TDRD9: variants seen among roughly 807,000 people sequenced by gnomAD.
The protein encoded by TDRD9 is tudor domain containing 9, also known as ATP-dependent RNA helicase TDRD9.
Under a neutral mutation model 172.6 loss-of-function variants are expected in TDRD9, and 124 were observed. The observed-to-expected ratio is 0.72, with a 90% CI of 0.62 to 0.83. The LOEUF is 0.83. Ranked by LOEUF, TDRD9 falls within the 40% of genes least tolerant of loss-of-function variation. The pLI is 0.00. For missense variants in TDRD9, 1,479 were observed against 1,714.1 expected (o/e 0.86, Z 2.42); for synonymous variants, 619 against 617.1 (o/e 1.00, Z -0.05).
intron 32 of TDRD9, among the ~76,000 whole-genome samples, chr14:104,039,725 AAAC>A (rs1228930200): frequency 1.3e-5 from 2 of 152,178 alleles, no homozygotes; most frequent in African/African-American, 4.8e-5. Context: ...CTGGGATACA[AAAC>A]TTTGTAAGTG....
chr14:103,947,996 A>G (rs2031660183), intron 1 of TDRD9, among the ~76,000 whole-genome samples: 1 of 152,176 alleles, frequency 6.6e-6, no homozygotes, highest in African/African-American at 2.4e-5. Flanking sequence ...ATTTCCCAAA[A>G]TGCAACAAGA....
At chr14:103,961,052 G>A (rs1452367865) in intron 2 of TDRD9, among the ~76,000 whole-genome samples, 1 of 152,098 alleles carries the variant, frequency 6.6e-6, no homozygotes, top group Non-Finnish European at 1.5e-5. Context: ...TGCATGCTGT[G>A]TCTGGGCTCA....
At chr14:103,935,605 T>C (rs1290342058) in intron 1 of TDRD9, among the ~76,000 whole-genome samples, 3 of 152,056 alleles carry the variant, frequency 2.0e-5, no homozygotes, top group Admixed American at 6.5e-5. Context: ...CACTGGGAAG[T>C]TTAACTTCGA....
At chr14:104,022,571 A>G (rs2034991046) in intron 24 of TDRD9, among the ~76,000 whole-genome samples, 2 of 152,064 alleles carry the variant, frequency 1.3e-5, no homozygotes, top group South Asian at 4.1e-4. Flanking sequence ...TACTGACAAT[A>G]CAAAAATTAG....
intron 1 of TDRD9, among the ~76,000 whole-genome samples, chr14:103,930,780 G>A (rs2030336299): frequency 6.6e-6 from 1 of 152,018 alleles, no homozygotes; most frequent in African/African-American, 2.4e-5. Flanking sequence ...TAGTTTTAAC[G>A]GTGTGAACAG....
intron 34 of TDRD9, among the ~76,000 whole-genome samples, chr14:104,045,332 C>T (rs2035738638): frequency 6.6e-6 from 1 of 150,712 alleles, no homozygotes; most frequent in Non-Finnish European, 1.5e-5. Flanking sequence ...ATTTTCGTTT[C>T]CTTAATGACT....
At chr14:104,031,325 A>T in intron 29 of TDRD9, 62 bp downstream of exon 29, 1 of 1,434,552 alleles carries the variant, frequency 7.0e-7, no homozygotes, top group Non-Finnish European at 9.4e-7. Context: ...TTTATGTGCT[A>T]GGAGTTGTAG....
In TDRD9 at chr14:104,034,955, A is replaced by C; in HGVS notation, c.3620-5A>C. On this transcript the variant is annotated splice_polypyrimidine_tract_variant and splice_region_variant and intron_variant, in intron 31 of 35. Coordinates refer to ENST00000409874, the MANE Select transcript of TDRD9 (RefSeq NM_153046.3). ...CCCGATGTTGATTTAGCATGACTTG[A>C]ACAGGATCTACGATGCTGCTGAGAG... 2 of 1,550,794 alleles carry C rather than the reference A, an allele frequency of 1.3e-6. No individual in the cohort carries two copies. Among genetic ancestry groups the C allele is most frequent in the Non-Finnish European group, 1.7e-6 (2 of 1,146,298 alleles).
intron 1 of TDRD9, 79 bp from the exon 2 acceptor site, chr14:103,955,585 A>T: frequency 1.0e-6 from 1 of 983,846 alleles, no homozygotes. Flanking sequence ...CCTGTGACTT[A>T]ATGTGAAAAA....
intron 26 of TDRD9, 135 bp from the exon 27 acceptor site, chr14:104,025,912 A>G: frequency 1.0e-6 from 1 of 979,446 alleles, no homozygotes; most frequent in South Asian, 1.5e-5. Flanking sequence ...TCCCTCATTG[A>G]TATGTGGATT....
intron 5 of TDRD9, among the ~76,000 whole-genome samples, chr14:103,967,770 A>G (rs1474102560): frequency 6.6e-6 from 1 of 152,116 alleles, no homozygotes; most frequent in East Asian, 1.9e-4. Context: ...GATATATAAT[A>G]CGGTTCAGAA....
intron 15 of TDRD9, 103 bp downstream of exon 15, chr14:104,005,508 G>C: frequency 7.8e-7 from 1 of 1,281,698 alleles, no homozygotes; most frequent in Non-Finnish European, 1.1e-6. Context: ...TGATCCTCCC[G>C]CCTCACTTTC....
chr14:104,046,298 T>C (rs915518618), intron 34 of TDRD9, among the ~76,000 whole-genome samples: 2 of 152,204 alleles, frequency 1.3e-5, no homozygotes, highest in African/African-American at 2.4e-5. Flanking sequence ...CGGTGCTATA[T>C]CTTAAAAAAT....
chr14:104,014,901 G>A, intron 21 of TDRD9, 60 bp downstream of exon 21: 1 of 1,038,712 alleles, frequency 9.6e-7, no homozygotes, highest in South Asian at 1.4e-5. Context: ...AAGGTCTTGT[G>A]GTCGAGAAAC....
intron 32 of TDRD9, among the ~76,000 whole-genome samples, chr14:104,037,145 G>A (rs2035473899): frequency 6.6e-6 from 1 of 151,986 alleles, no homozygotes; most frequent in African/African-American, 2.4e-5. Context: ...TAAATATGCA[G>A]TCTTCTGCAG....
chr14:103,992,873 C>T (rs1327554993), intron 9 of TDRD9, among the ~76,000 whole-genome samples: 2 of 132,350 alleles, frequency 1.5e-5, no homozygotes, highest in Non-Finnish European at 3.0e-5. Flanking sequence ...TGCAGTGAGC[C>T]GAGATCACGC....
chr14:104,014,090 G>A (rs1233755745), intron 20 of TDRD9, among the ~76,000 whole-genome samples: 23 of 151,906 alleles, frequency 1.5e-4, no homozygotes, highest in African/African-American at 5.1e-4. Flanking sequence ...TTAGCTGGGC[G>A]TGGTGGTGGG....
chr14:104,045,390 C>CTT (rs55844445), intron 34 of TDRD9, among the ~76,000 whole-genome samples: 34,877 of 133,536 alleles, frequency 0.26, 4,906 homozygotes, highest in Non-Finnish European at 0.33. Flanking sequence ...GTCATTTATC[C>CTT]TTTTTTTTTT....
chr14:103,931,751 T>C (rs375899911), intron 1 of TDRD9, among the ~76,000 whole-genome samples: 14 of 152,140 alleles, frequency 9.2e-5, no homozygotes, highest in Admixed American at 3.9e-4. Context: ...TTACAGATCA[T>C]AGGACAGGAA....
Sources: allele counts gnomAD v4.1 joint callset (sites outside exome capture counted in the v4.1 genomes callset), GRCh38; gene constraint gnomAD v4.1.1; transcripts MANE v1.5; gene names NCBI Gene and HGNC (gene_info 2026-07-23, HGNC 2026-07-21).